KCNQ3: variants seen among roughly 807,000 people sequenced by gnomAD.
KCNQ3 encodes the protein potassium voltage-gated channel subfamily Q member 3.
Under a neutral mutation model 92.5 loss-of-function variants are expected in KCNQ3, and 30 were observed. The observed-to-expected ratio is 0.32, with a 90% CI of 0.24 to 0.44. The LOEUF (loss-of-function observed/expected upper bound fraction) is 0.44, where lower values mean the gene tolerates loss of function less well. Among genes scored for constraint, KCNQ3 ranks in the 20% least tolerant of loss-of-function variants. The probability of loss-of-function intolerance (pLI) is 1.00; values close to 1 mark genes in which losing one functional copy is unlikely to be tolerated. For missense variants in KCNQ3, 913 were observed against 1,140.3 expected, an observed-to-expected ratio of 0.80 and a Z score of 2.87; for synonymous variants, 450 against 468.8, an observed-to-expected ratio of 0.96 and a Z score of 0.52.
intron 1 of KCNQ3, among the ~76,000 whole-genome samples, chr8:132,324,059 T>C (rs1817971374): frequency 6.6e-6 from 1 of 152,182 alleles, no homozygotes; most frequent in African/African-American, 2.4e-5. Flanking sequence ...TACTGTTTCA[T>C]CCCTCCATAT....
chr8:132,274,217 C>T (rs1249877118), intron 1 of KCNQ3, among the ~76,000 whole-genome samples: 1 of 152,126 alleles, frequency 6.6e-6, no homozygotes, highest in Non-Finnish European at 1.5e-5. Flanking sequence ...GGAGGCCTCA[C>T]AATCATGGTG....
At chr8:132,320,735 A>G (rs543691828) in intron 1 of KCNQ3, among the ~76,000 whole-genome samples, 28 of 152,138 alleles carry the variant, frequency 1.8e-4, no homozygotes, top group African/African-American at 6.0e-4. Flanking sequence ...CCAAGCAGAA[A>G]AGGGAAGGAA....
chr8:132,460,492 A>C (rs780537177), intron 1 of KCNQ3, among the ~76,000 whole-genome samples: 5 of 152,096 alleles, frequency 3.3e-5, no homozygotes, highest in Admixed American at 6.6e-5. Flanking sequence ...CTTAACCGTT[A>C]AACTCCAGTA....
At position 132,292,719 on chromosome 8, in the gene KCNQ3, C is replaced by T. The variant is rs548260462; in HGVS notation, c.387-106538G>A. 2.6e-5 allele frequency among the ~76,000 whole-genome samples: 4 copies of T among 152,238 alleles called. No homozygotes were observed. In the East Asian group the frequency reaches 5.8e-4, roughly 22 times the overall value. Reference sequence around the variant, plus strand: ...TGGTTTTCATCCATGGTTCCTGGCTCCTAACTCCCATAGTCCTTGTTATAA... The same window carrying T: ...TGGTTTTCATCCATGGTTCCTGGCTTCTAACTCCCATAGTCCTTGTTATAA... On this transcript the variant is annotated intron_variant, in intron 1 of 14. Transcript: ENST00000388996.
intron 9 of KCNQ3, among the ~76,000 whole-genome samples, chr8:132,159,100 C>T (rs1303016520): frequency 6.6e-6 from 1 of 152,162 alleles, no homozygotes; most frequent in Admixed American, 6.5e-5. Flanking sequence ...CCATAATTAT[C>T]AGCACTGTTG....
chr8:132,195,295 T>A (rs151275296), intron 1 of KCNQ3, among the ~76,000 whole-genome samples: 2 of 152,242 alleles, frequency 1.3e-5, no homozygotes, highest in Non-Finnish European at 2.9e-5. Flanking sequence ...AATGATTCCA[T>A]CTCTTAATAC....
intron 1 of KCNQ3, among the ~76,000 whole-genome samples, chr8:132,467,291 A>G (rs1470223516): frequency 6.6e-6 from 1 of 152,154 alleles, no homozygotes; most frequent in Non-Finnish European, 1.5e-5. Context: ...TAACACTACA[A>G]ATAAATGTAA....
chr8:132,318,988 G>A (rs2130630743), intron 1 of KCNQ3, among the ~76,000 whole-genome samples: 1 of 152,316 alleles, frequency 6.6e-6, no homozygotes, highest in Admixed American at 6.5e-5. Flanking sequence ...TAAGGGGGAA[G>A]GTTTCAGGAA....
At chr8:132,143,722 T>C (rs1825368715) in intron 9 of KCNQ3, among the ~76,000 whole-genome samples, 1 of 152,240 alleles carries the variant, frequency 6.6e-6, no homozygotes, top group African/African-American at 2.4e-5. Flanking sequence ...CTGTCATTAT[T>C]AACTGAGTAA....
chr8:132,276,404 G>C (rs1344331671), intron 1 of KCNQ3, among the ~76,000 whole-genome samples: 1 of 152,052 alleles, frequency 6.6e-6, no homozygotes, highest in East Asian at 1.9e-4. Context: ...GAAACATCCA[G>C]GGCAGGCTCT....
intron 1 of KCNQ3, among the ~76,000 whole-genome samples, chr8:132,445,162 G>A (rs989365243): frequency 6.6e-6 from 1 of 152,186 alleles, no homozygotes; most frequent in African/African-American, 2.4e-5. Flanking sequence ...GGGGTGGACT[G>A]ACATTTGGAG....
intron 1 of KCNQ3, among the ~76,000 whole-genome samples, chr8:132,280,362 G>T (rs1188690690): frequency 1.3e-5 from 2 of 152,146 alleles, no homozygotes; most frequent in Admixed American, 6.5e-5. Context: ...CAGCTTCTGG[G>T]GAGGCCTTAG....
intron 1 of KCNQ3, among the ~76,000 whole-genome samples, chr8:132,477,309 GA>G (rs896888881): frequency 6.1e-5 from 9 of 146,462 alleles, no homozygotes; most frequent in African/African-American, 2.3e-4. Context: ...TTAGGAAGGA[GA>G]AAAAAAATAA....
At chr8:132,214,562 C>T (rs909799598) in intron 1 of KCNQ3, among the ~76,000 whole-genome samples, 11 of 152,238 alleles carry the variant, frequency 7.2e-5, no homozygotes, top group African/African-American at 1.4e-4. Flanking sequence ...CTCCCCTCTC[C>T]CCTCCCTTCT....
chr8:132,196,928 A>G (rs1002566631), intron 1 of KCNQ3, among the ~76,000 whole-genome samples: 1 of 152,170 alleles, frequency 6.6e-6, no homozygotes, highest in African/African-American at 2.4e-5. Context: ...CAGACTACAC[A>G]GTACTGATAT....
chr8:132,408,441 T>C (rs1165198834), intron 1 of KCNQ3, among the ~76,000 whole-genome samples: 2 of 152,156 alleles, frequency 1.3e-5, no homozygotes, highest in South Asian at 2.1e-4. Flanking sequence ...CCTGATGCTG[T>C]GCCCTGGGGA....
intron 1 of KCNQ3, among the ~76,000 whole-genome samples, chr8:132,419,623 C>A: frequency 6.6e-6 from 1 of 152,194 alleles, no homozygotes; most frequent in East Asian, 1.9e-4. Flanking sequence ...AGAGAGTGCT[C>A]TCTGTAGATC....
At chr8:132,308,993 A>G (rs1790336015) in intron 1 of KCNQ3, among the ~76,000 whole-genome samples, 1 of 152,144 alleles carries the variant, frequency 6.6e-6, no homozygotes, top group South Asian at 2.1e-4. Flanking sequence ...GCCAAAGGAG[A>G]TTAACATTTG....
intron 1 of KCNQ3, among the ~76,000 whole-genome samples, chr8:132,462,363 T>C (rs1249485678): frequency 6.6e-6 from 1 of 152,104 alleles, no homozygotes; most frequent in Non-Finnish European, 1.5e-5. Context: ...CTAATTTTTG[T>C]ATTTTCAGTA....
Sources: gnomAD v4.1 joint callset for allele counts (sites outside exome capture counted in the v4.1 genomes callset) on GRCh38, gnomAD v4.1.1 for gene constraint, MANE v1.5 for transcripts, NCBI Gene and HGNC (gene_info 2026-07-23, HGNC 2026-07-21) for gene names.